The following NGLY1 variants were observed in gnomAD, a reference collection of about 807,000 sequenced individuals.
NGLY1 encodes N-glycanase 1.
Under a neutral mutation model 84.6 loss-of-function variants are expected in NGLY1, and 68 were observed. The observed-to-expected ratio is 0.80, with a 90% CI of 0.66 to 0.98. The LOEUF (loss-of-function observed/expected upper bound fraction) is 0.98. NGLY1 is among the 50% of genes least tolerant of loss of function. The probability of loss-of-function intolerance (pLI) is 0.00; values close to 1 mark genes in which losing one functional copy is unlikely to be tolerated. For synonymous variants in NGLY1, 280 were observed against 275.2 expected, an observed-to-expected ratio of 1.02 and a Z score of -0.17; for missense variants, 779 against 770.2, an observed-to-expected ratio of 1.01 and a Z score of -0.14.
At chr3:25,725,475 T>C (rs750489237) in intron 10 of NGLY1, among the ~76,000 whole-genome samples, 12 of 152,184 alleles carry the variant, frequency 7.9e-5, no homozygotes, top group Admixed American at 2.0e-4. Context: ...GAGAGAGTCA[T>C]AGGAACCTGA....
chr3:25,725,341 G>A (rs755948502), intron 10 of NGLY1, among the ~76,000 whole-genome samples: 2 of 152,204 alleles, frequency 1.3e-5, no homozygotes, highest in Non-Finnish European at 2.9e-5. Flanking sequence ...GGCTCCATGT[G>A]CCTTCCTATA....
chr3:25,757,475 T>C (rs1437610934), intron 3 of NGLY1, among the ~76,000 whole-genome samples: 1 of 152,236 alleles, frequency 6.6e-6, no homozygotes, highest in Non-Finnish European at 1.5e-5. Flanking sequence ...AACTGTATAA[T>C]ACTATATGAC....
chr3:25,739,423 C>T (rs1421913067), intron 5 of NGLY1, among the ~76,000 whole-genome samples, 154 bp downstream of exon 5: 3 of 152,154 alleles, frequency 2.0e-5, no homozygotes, highest in African/African-American at 2.4e-5. Context: ...AACAGGATGT[C>T]GGCTGGATTT....
chr3:25,751,455 GATCT>G (rs1292719270), intron 3 of NGLY1, among the ~76,000 whole-genome samples, 192 bp from the exon 4 acceptor site: 1 of 152,130 alleles, frequency 6.6e-6, no homozygotes, highest in Admixed American at 6.6e-5. Flanking sequence ...CAGAGCCTAA[GATCT>G]ATCTATTTTT....
Position 25,764,281 on chromosome 3 carries a change from C to CT in NGLY1, c.276dup (p.Ala93SerfsTer11). The stretch of plus-strand genomic sequence containing the variant: ...ATTTTTTGCAGCTGCTCCACTGAAG[C>CT]TTTTTTAGGAAAGATGAGATGTGTT... On this transcript the variant is annotated frameshift_variant, in exon 3 of 12. Transcript: ENST00000280700. LOFTEE classifies it high-confidence loss of function. 2 of 1,613,868 alleles carry CT rather than the reference C, an allele frequency of 1.2e-6. No homozygotes were observed. The highest frequency in any genetic ancestry group is 1.7e-6 in the Non-Finnish European group (2 of 1,179,962).
intron 2 of NGLY1, among the ~76,000 whole-genome samples, chr3:25,768,757 T>C (rs1416634546): frequency 6.6e-6 from 1 of 151,622 alleles, no homozygotes; most frequent in Non-Finnish European, 1.5e-5. Flanking sequence ...GTGTTAGACA[T>C]GGTCTCAAAC....
chr3:25,787,733 C>A (rs1050657347), upstream of NGLY1, among the ~76,000 whole-genome samples: 1 of 152,176 alleles, frequency 6.6e-6, no homozygotes, highest in African/African-American at 2.4e-5. Flanking sequence ...GGGATTAAAT[C>A]CAAAGTCCTC....
At chr3:25,758,045 A>G (rs1263717763) in intron 3 of NGLY1, among the ~76,000 whole-genome samples, 1 of 152,236 alleles carries the variant, frequency 6.6e-6, no homozygotes, top group Non-Finnish European at 1.5e-5. Flanking sequence ...AAAAGATTAC[A>G]AAGAACTCTA....
At chr3:25,787,426 C>T (rs1305870903), upstream of NGLY1, among the ~76,000 whole-genome samples, 4 of 152,154 alleles carry the variant, frequency 2.6e-5, no homozygotes, top group Admixed American at 6.5e-5. Context: ...TCCAACCCAC[C>T]CTGCTCATTT....
chr3:25,770,850 T>C (rs1707859831), intron 2 of NGLY1, among the ~76,000 whole-genome samples: 1 of 152,240 alleles, frequency 6.6e-6, no homozygotes, highest in Non-Finnish European at 1.5e-5. Context: ...TTGTATATCT[T>C]CTTTTCAGAA....
At chr3:25,727,994 C>A (rs1705346335) in intron 10 of NGLY1, among the ~76,000 whole-genome samples, 1 of 152,114 alleles carries the variant, frequency 6.6e-6, no homozygotes, top group Non-Finnish European at 1.5e-5. Flanking sequence ...ATCAACTGTA[C>A]AACTAATTAC....
At chr3:25,775,774 G>T (rs112718335) in intron 2 of NGLY1, among the ~76,000 whole-genome samples, 1 of 152,190 alleles carries the variant, frequency 6.6e-6, no homozygotes, top group African/African-American at 2.4e-5. Context: ...AATTTCTCAT[G>T]TTCTATAGCA....
intron 4 of NGLY1, among the ~76,000 whole-genome samples, chr3:25,741,552 A>AG (rs956584697): frequency 2.6e-5 from 4 of 152,238 alleles, no homozygotes; most frequent in African/African-American, 9.6e-5. Flanking sequence ...TGGGTTAGGA[A>AG]GGTCTTAGGC....
chr3:25,737,486 T>A lies in NGLY1; in HGVS notation c.882-31A>T, dbSNP rs1298968109. Reference sequence around the variant, plus strand: ...TTAAAAAGAAAAAAAACCTTAATTATCAAAATCAAGATTTTTAAGAGAATT... The same window carrying A: ...TTAAAAAGAAAAAAAACCTTAATTAACAAAATCAAGATTTTTAAGAGAATT... On this transcript the variant is annotated intron_variant, in intron 5 of 11. Coordinates refer to ENST00000280700, the MANE Select transcript of NGLY1 (RefSeq NM_018297.4). The A allele has an allele frequency of 2.7e-6, 4 of 1,501,922 alleles. No individual in the cohort carries two copies. The Admixed American group carries it at 8.0e-5, about 30-fold the overall frequency. 93.0% of individuals were successfully genotyped at this position (1,501,922 alleles called of 1,614,324 possible).
chr3:25,741,709 G>A (rs187331303), intron 4 of NGLY1, among the ~76,000 whole-genome samples: 14 of 152,254 alleles, frequency 9.2e-5, no homozygotes, highest in African/African-American at 2.9e-4. Flanking sequence ...ATAAATTTCT[G>A]GACGGGCACG....
chr3:25,774,932 G>A (rs1304662998), intron 2 of NGLY1, among the ~76,000 whole-genome samples: 1 of 152,204 alleles, frequency 6.6e-6, no homozygotes, highest in Non-Finnish European at 1.5e-5. Context: ...GATAAAGTCA[G>A]AAATGGCTTC....
rs554285406 is a variant in NGLY1, at chr3:25,745,673, T to C, written c.658+5425A>G. Reference sequence around the variant, plus strand: ...CTTCTCCCTTGTAATCTCAACCCTCTGTTCACCCTCTTATCCCTCTTATGT... The same window carrying C: ...CTTCTCCCTTGTAATCTCAACCCTCCGTTCACCCTCTTATCCCTCTTATGT... On this transcript the variant is annotated intron_variant, in intron 4 of 11. Transcript: ENST00000280700. Among the ~76,000 whole-genome samples the C allele has an allele frequency of 1.6e-4, 25 of 152,340 alleles. No individual in the cohort carries two copies. The South Asian group carries it at 4.8e-3, about 29-fold the overall frequency.
intron 2 of NGLY1, among the ~76,000 whole-genome samples, chr3:25,777,040 C>A (rs1033205179): frequency 6.6e-6 from 1 of 152,192 alleles, no homozygotes; most frequent in African/African-American, 2.4e-5. Context: ...CCCCATCCCA[C>A]CACCTCCAGG....
chr3:25,778,445 A>G (rs1708251680), intron 2 of NGLY1, 129 bp downstream of exon 2: 2 of 490,324 alleles, frequency 4.1e-6, no homozygotes, highest in African/African-American at 4.0e-5. Context: ...CAATGAAGAA[A>G]TAACTACTTC....
Sources: allele counts gnomAD v4.1 joint callset (sites outside exome capture counted in the v4.1 genomes callset), GRCh38; gene constraint gnomAD v4.1.1; transcripts MANE v1.5; gene names NCBI Gene and HGNC (gene_info 2026-07-23, HGNC 2026-07-21).